The following C6 variants were observed in gnomAD, a reference collection of about 807,000 sequenced individuals.
C6 encodes the protein complement C6.
A neutral mutation model predicts 112.9 loss-of-function variants in C6; 101 were observed. The ratio of observed to expected loss-of-function variants is 0.89; its 90% CI spans 0.76 to 1.06. The LOEUF (loss-of-function observed/expected upper bound fraction) is 1.06. Ranked by LOEUF, C6 falls within the 50% of genes least tolerant of loss-of-function variation. The pLI is 0.00. For missense variants in C6, 1,202 were observed against 1,104.6 expected (o/e 1.09, Z -1.25); for synonymous variants, 431 against 384.1 (o/e 1.12, Z -1.43).
chr5:41,159,216 C>T lies in C6; in HGVS notation c.1722G>A (p.Trp574Ter). The part of the protein sequence containing the change: ...VDGQWGCWSS[W>*]STCDATYKRS... ...TCTTATAAGTAGCATCACAGGTACTCCAGGAAGACCAACAACCCCACTGTC... is the reference window on the plus strand; with the variant it reads ...TCTTATAAGTAGCATCACAGGTACTTCAGGAAGACCAACAACCCCACTGTC... Residue 574 changes from tryptophan (W) to a stop codon, truncating the protein, a stop_gained, in exon 12 of 18, where the codon TGG (tryptophan) becomes TGA (stop). Transcript: ENST00000337836. LOFTEE classifies it high-confidence loss of function. 6.2e-7 allele frequency: 1 copy of T among 1,613,336 alleles called. No homozygotes were observed. Among genetic ancestry groups the T allele is most frequent in the Non-Finnish European group, 8.5e-7 (1 of 1,179,648 alleles).
exon 1 of C6, chr5:41,261,316 A>G: frequency 2.1e-6 from 1 of 477,692 alleles, no homozygotes; most frequent in Non-Finnish European, 2.7e-6. Context: ...ATATGATGAA[A>G]TATTTAAGCT....
chr5:41,190,597 A>C (rs7728302), intron 5 of C6, among the ~76,000 whole-genome samples: 9,439 of 152,240 alleles, frequency 0.062, 395 homozygotes, highest in African/African-American at 0.12. Flanking sequence ...GCACTGTACA[A>C]AAAGCTTTTT....
chr5:41,251,806 T>C (rs1181483358), intron 1 of C6, among the ~76,000 whole-genome samples: 1 of 152,232 alleles, frequency 6.6e-6, no homozygotes, highest in African/African-American at 2.4e-5. Context: ...GGGATTTTAC[T>C]GTGCTGGAGT....
intron 8 of C6, among the ~76,000 whole-genome samples, chr5:41,174,165 G>A (rs1200514011): frequency 1.3e-5 from 2 of 152,108 alleles, no homozygotes; most frequent in African/African-American, 4.8e-5. Flanking sequence ...TATTTTTTAT[G>A]ACATTGGTCA....
chr5:41,216,246 C>G (rs958001877), upstream of C6, among the ~76,000 whole-genome samples: 1 of 152,100 alleles, frequency 6.6e-6, no homozygotes, highest in Non-Finnish European at 1.5e-5. Flanking sequence ...TAAATACAAC[C>G]AGCCTACACC....
chr5:41,172,507 C>T (rs1441042196), intron 8 of C6, 160 bp from the exon 9 acceptor site: 5 of 726,340 alleles, frequency 6.9e-6, no homozygotes, highest in Non-Finnish European at 9.6e-6. Context: ...TTAGTTTTAC[C>T]TATAGATTCA....
intron 15 of C6, among the ~76,000 whole-genome samples, chr5:41,150,289 C>A (rs77386874): frequency 6.6e-6 from 1 of 152,074 alleles, no homozygotes; most frequent in Non-Finnish European, 1.5e-5. Context: ...AATTTTTGTT[C>A]ATTTGTTTTT....
chr5:41,256,115 A>T (rs1741682264), intron 1 of C6, among the ~76,000 whole-genome samples: 1 of 152,156 alleles, frequency 6.6e-6, no homozygotes, highest in East Asian at 1.9e-4. Flanking sequence ...AAAGGACATG[A>T]ACTCATCATT....
At chr5:41,173,565 G>A (rs1461759153) in intron 8 of C6, among the ~76,000 whole-genome samples, 1 of 152,162 alleles carries the variant, frequency 6.6e-6, no homozygotes, top group Non-Finnish European at 1.5e-5. Context: ...ACGAGCACAT[G>A]AGAGGTAGAG....
At chr5:41,159,302 T>C (rs531897916) in intron 11 of C6, 49 bp from the exon 12 acceptor site, 9 of 1,598,684 alleles carry the variant, frequency 5.6e-6, no homozygotes, top group Admixed American at 1.7e-5. Flanking sequence ...CAGCTGAATT[T>C]GGGTTTGGAA....
In C6 at chr5:41,195,830, C is replaced by G; in HGVS notation, c.549G>C (p.Lys183Asn). The change falls in exon 5 of 18, where the codon AAG (lysine) becomes AAC (asparagine). Residue 183 changes from lysine (K) to asparagine (N), a missense_variant. Coordinates refer to ENST00000337836, the MANE Select transcript of C6 (RefSeq NM_000065.5). ...ACTGTACACTAGGGATGGGATTATACTTCCGTGTGCATACTGCCTTTGTCC... is the reference window on the plus strand; with the variant it reads ...ACTGTACACTAGGGATGGGATTATAGTTCCGTGTGCATACTGCCTTTGTCC... ...CGRTKAVCTR[K>N]YNPIPSVQLM... 2 of 1,613,984 alleles carry G rather than the reference C, an allele frequency of 1.2e-6. No individual in the cohort carries two copies. Among genetic ancestry groups the G allele is most frequent in the Non-Finnish European group, 1.7e-6 (2 of 1,179,920 alleles).
chr5:41,235,028 T>A (rs576263841), intron 1 of C6, among the ~76,000 whole-genome samples: 9 of 151,786 alleles, frequency 5.9e-5, no homozygotes, highest in Middle Eastern at 3.4e-3. Flanking sequence ...AGGATAATAT[T>A]TTTGAAAGTC....
rs114031501 is a variant in C6 at position 41,249,544 on chromosome 5, A to G, written c.-21+11650T>C. ...CCACAGAGGAGATTTTCTTTCATCCATAATCTTTCTGCTATAACCTTCAGC... is the reference window on the plus strand; with the variant it reads ...CCACAGAGGAGATTTTCTTTCATCCGTAATCTTTCTGCTATAACCTTCAGC... On this transcript the variant is annotated intron_variant, in intron 1 of 17. Coordinates refer to the C6 transcript ENST00000263413. 3.4e-3 allele frequency among the ~76,000 whole-genome samples: 514 copies of G among 152,330 alleles called. 2 individuals carry two copies. Among genetic ancestry groups the G allele is most frequent in the African/African-American group, 0.012 (504 of 41,574 alleles).
chr5:41,186,412 G>T lies in C6; in HGVS notation c.588-204C>A, dbSNP rs112787045. The T allele has an allele frequency of 2.9e-3, 1,688 of 588,248 alleles. 24 individuals are homozygous for T. The highest frequency in any genetic ancestry group is 0.028 in the African/African-American group (1,502 of 53,654). 36.4% of individuals were successfully genotyped at this position (588,248 alleles called of 1,614,324 possible). On this transcript the variant is annotated intron_variant, in intron 5 of 17. Transcript: ENST00000337836. ...GGAAAGCCCAAACTCAGCTTCTCTG[G>T]CTCTATTAGGTTCTCCTATTCCACT...
chr5:41,224,969 C>T (rs991741658), intron 1 of C6, among the ~76,000 whole-genome samples: 1 of 152,012 alleles, frequency 6.6e-6, no homozygotes, highest in Non-Finnish European at 1.5e-5. Flanking sequence ...AGGAAATTTG[C>T]GTATCCTTGA....
chr5:41,172,446 A>T (rs1748508585), intron 8 of C6, 99 bp from the exon 9 acceptor site: 2 of 1,166,230 alleles, frequency 1.7e-6, no homozygotes, highest in Admixed American at 1.8e-5. Context: ...CAGATACTTT[A>T]TATTAGCCCC....
Position 41,146,382 on chromosome 5 carries a change from A to T in C6, c.2623+2859T>A, listed in dbSNP as rs1232826515. ...CTAAGAGCACAATGTAATCAAGAAC[A>T]CAGTTTAATCAAAGTGACATTCAAT... On this transcript the variant is annotated intron_variant, in intron 17 of 17. Transcript: ENST00000337836. 3.3e-5 allele frequency among the ~76,000 whole-genome samples: 5 copies of T among 152,214 alleles called. No individual in the cohort carries two copies. The East Asian group carries it at 9.6e-4, about 29-fold the overall frequency.
intron 6 of C6, 68 bp from the exon 7 acceptor site, chr5:41,181,627 T>C (rs1478249674): frequency 8.0e-7 from 1 of 1,242,944 alleles, no homozygotes. Flanking sequence ...GGATATCTAA[T>C]GAAATGATGA....
At chr5:41,151,313 G>T (rs1351783851) in intron 15 of C6, among the ~76,000 whole-genome samples, 1 of 152,086 alleles carries the variant, frequency 6.6e-6, no homozygotes, top group Admixed American at 6.6e-5. Flanking sequence ...ACAGCTAGCA[G>T]GTAAAACAAG....
Sources: gnomAD v4.1 joint callset for allele counts (sites outside exome capture counted in the v4.1 genomes callset) on GRCh38, gnomAD v4.1.1 for gene constraint, MANE v1.5 for transcripts, NCBI Gene and HGNC (gene_info 2026-07-23, HGNC 2026-07-21) for gene names.